Variants in TPO observed in about 807,000 individuals in gnomAD.
TPO encodes thyroid microsomal antigen.
TPO carries 78 observed loss-of-function variants against 96.9 expected under a neutral mutation model. The observed-to-expected ratio is 0.81, with a 90% CI of 0.67 to 0.97. The LOEUF (loss-of-function observed/expected upper bound fraction) is 0.97. Among genes scored for constraint, TPO ranks in the 50% least tolerant of loss-of-function variants. TPO has a pLI of 0.00. For synonymous variants in TPO, 547 were observed against 538.0 expected (o/e 1.02, Z -0.23); for missense variants, 1,252 against 1,274.8 (o/e 0.98, Z 0.27).
chr2:1,384,705 CT>C (rs910124043), intron 1 of TPO, among the ~76,000 whole-genome samples: 98 of 152,256 alleles, frequency 6.4e-4, no homozygotes, highest in African/African-American at 2.2e-3. Context: ...CCCTTTATTT[CT>C]TTCTCCTGCC....
At chr2:1,526,624 C>A (rs1412024840) in intron 15 of TPO, among the ~76,000 whole-genome samples, 10 of 147,342 alleles carry the variant, frequency 6.8e-5, no homozygotes, top group South Asian at 2.2e-4. Context: ...TGTGCAACCT[C>A]CCCAAATCTC....
chr2:1,427,606 A>G (rs956782114), intron 3 of TPO, among the ~76,000 whole-genome samples: 12 of 152,218 alleles, frequency 7.9e-5, no homozygotes, highest in Non-Finnish European at 1.5e-4. Context: ...GAGTGGGAGC[A>G]ACTGTCTCCC....
Position 1,477,089 on chromosome 2 carries a change from C to G in TPO, c.823C>G (p.Pro275Ala). Reference sequence around the variant, plus strand: ...TTGAACTCCCCTTTGCCTGCAGCTCCCGGAGGAGGCCCGGCCGGCCGCGGG... The same window carrying G: ...TTGAACTCCCCTTTGCCTGCAGCTCGCGGAGGAGGCCCGGCCGGCCGCGGG... ...NQNPCFPIQL[P>A]EEARPAAGTA... is the part of the protein sequence containing the mutation. The change falls in exon 8 of 17, where the codon CCG (proline) becomes GCG (alanine). Residue 275 changes from proline to alanine, a missense_variant. Transcript: ENST00000329066. 1 of 1,603,234 alleles carries G rather than the reference C, an allele frequency of 6.2e-7. No homozygotes were observed. The highest frequency in any genetic ancestry group is 8.5e-7 in the Non-Finnish European group (1 of 1,177,880).
intron 15 of TPO, among the ~76,000 whole-genome samples, chr2:1,534,684 T>G (rs72776271): frequency 1.5e-5 from 2 of 133,254 alleles, no homozygotes; most frequent in Admixed American, 1.6e-4. Context: ...TCTGTGCAAC[T>G]TCCAAAAATC....
At chr2:1,526,334 CCA>C (rs1429322786) in intron 15 of TPO, among the ~76,000 whole-genome samples, 2 of 99,532 alleles carry the variant, frequency 2.0e-5, no homozygotes, top group Non-Finnish European at 4.2e-5. Context: ...ACAAATCCCC[CCA>C]GTGTGTGCAA....
At chr2:1,472,482 T>A (rs1285746120) in intron 7 of TPO, among the ~76,000 whole-genome samples, 1 of 152,196 alleles carries the variant, frequency 6.6e-6, no homozygotes. Context: ...AAAACAAGAC[T>A]ATGCTGAGTA....
At chr2:1,454,683 A>T (rs1371056857) in intron 6 of TPO, among the ~76,000 whole-genome samples, 1 of 152,176 alleles carries the variant, frequency 6.6e-6, no homozygotes, top group African/African-American at 2.4e-5. Context: ...TCAGTTGGAC[A>T]ATCCCTAAAA....
intron 10 of TPO, among the ~76,000 whole-genome samples, chr2:1,489,557 G>A (rs145426142): frequency 1.5e-3 from 231 of 152,300 alleles, no homozygotes; most frequent in African/African-American, 5.1e-3. Context: ...CCCATAGATC[G>A]TAAGCCCAGG....
At chr2:1,519,285 C>T (rs1048612550) in intron 15 of TPO, among the ~76,000 whole-genome samples, 2 of 152,170 alleles carry the variant, frequency 1.3e-5, no homozygotes, top group Non-Finnish European at 2.9e-5. Flanking sequence ...GGAGGTGGAG[C>T]GAGAGCCTGT....
At chr2:1,506,369 C>G (rs1158090117) in intron 14 of TPO, among the ~76,000 whole-genome samples, 3 of 151,902 alleles carry the variant, frequency 2.0e-5, no homozygotes, top group Non-Finnish European at 4.4e-5. Context: ...TTTATAGCAG[C>G]ATGATTTATA....
At chr2:1,421,560 T>C (rs1405997487) in intron 2 of TPO, among the ~76,000 whole-genome samples, 1 of 152,220 alleles carries the variant, frequency 6.6e-6, no homozygotes, top group East Asian at 1.9e-4. Context: ...GGCTGGTTAC[T>C]GCATTTGGCA....
At chr2:1,465,356 T>G (rs1209354403) in intron 7 of TPO, among the ~76,000 whole-genome samples, 1 of 152,206 alleles carries the variant, frequency 6.6e-6, no homozygotes, top group Non-Finnish European at 1.5e-5. Context: ...TTGTTCTTTC[T>G]GCTTAGTCTT....
chr2:1,535,200 C>T (rs1271443341), intron 15 of TPO, among the ~76,000 whole-genome samples: 1 of 127,534 alleles, frequency 7.8e-6, no homozygotes, highest in Non-Finnish European at 1.6e-5. Flanking sequence ...ACTTGTGCAA[C>T]CTCATCAATT....
chr2:1,503,451 G>A (rs1264230588), intron 13 of TPO, among the ~76,000 whole-genome samples: 3 of 152,230 alleles, frequency 2.0e-5, no homozygotes, highest in Non-Finnish European at 4.4e-5. Flanking sequence ...TGAGATACTA[G>A]GTTGTAGGAT....
At chr2:1,463,471 G>C (rs1338056343) in intron 7 of TPO, among the ~76,000 whole-genome samples, 1 of 152,188 alleles carries the variant, frequency 6.6e-6, no homozygotes, top group African/African-American at 2.4e-5. Flanking sequence ...CTTGGAGCAA[G>C]TTGGGACTTT....
chr2:1,410,363 C>T (rs916597589), upstream of TPO, among the ~76,000 whole-genome samples: 3 of 152,206 alleles, frequency 2.0e-5, no homozygotes, highest in African/African-American at 7.2e-5. Context: ...ACAAGGCAGT[C>T]AGGCCCTGGC....
intron 8 of TPO, 79 bp downstream of exon 8, chr2:1,477,683 G>T: frequency 7.1e-7 from 1 of 1,399,420 alleles, no homozygotes; most frequent in Non-Finnish European, 9.3e-7. Flanking sequence ...CAGCATCGTG[G>T]CTTCTCTCTC....
chr2:1,430,582 G>A (rs1157487692), intron 3 of TPO, among the ~76,000 whole-genome samples: 1 of 152,202 alleles, frequency 6.6e-6, no homozygotes, highest in Non-Finnish European at 1.5e-5. Flanking sequence ...TCCACCAGCA[G>A]CTTGCACTCT....
At chr2:1,519,039 G>A (rs1369153697) in intron 15 of TPO, among the ~76,000 whole-genome samples, 2 of 152,196 alleles carry the variant, frequency 1.3e-5, no homozygotes, top group Non-Finnish European at 2.9e-5. Flanking sequence ...TTGACGGGAA[G>A]GCAGAGATCA....
Sources: allele counts gnomAD v4.1 joint callset (sites outside exome capture counted in the v4.1 genomes callset), GRCh38; gene constraint gnomAD v4.1.1; transcripts MANE v1.5; gene names NCBI Gene and HGNC (gene_info 2026-07-23, HGNC 2026-07-21).